Variants in ZNF185 observed in about 807,000 individuals in gnomAD.
The protein encoded by ZNF185 is zinc finger protein 185.
ZNF185 carries 56 observed loss-of-function variants against 58.6 expected under a neutral mutation model. The observed-to-expected ratio is 0.95, with a 90% CI of 0.77 to 1.19. ZNF185 has a LOEUF of 1.19. Among genes scored for constraint, ZNF185 ranks in the 50% most tolerant of loss-of-function variants. The pLI is 0.00. For missense variants in ZNF185, 627 were observed against 573.5 expected, an observed-to-expected ratio of 1.09 and a Z score of -0.95; for synonymous variants, 230 against 215.9, an observed-to-expected ratio of 1.07 and a Z score of -0.57.
intron 7 of ZNF185, among the ~76,000 whole-genome samples, chrX:152,919,371 G>A (rs991930205): frequency 9.0e-6 from 1 of 110,887 alleles, no homozygotes; most frequent in Admixed American, 9.5e-5. Context: ...GCTCTAAATC[G>A]GTTTGTTAGA....
intron 16 of ZNF185, among the ~76,000 whole-genome samples, chrX:152,954,157 T>G (rs1304887049): frequency 9.0e-6 from 1 of 110,572 alleles, no homozygotes; most frequent in African/African-American, 3.3e-5. Flanking sequence ...AAAGCCTTTT[T>G]TTTTCAGTAG....
intron 17 of ZNF185, among the ~76,000 whole-genome samples, chrX:152,961,144 T>C (rs181364711): frequency 5.3e-5 from 6 of 112,363 alleles, no homozygotes; most frequent in African/African-American, 1.6e-4. Context: ...TTCCAGGTCA[T>C]TCCCTTGACC....
chrX:152,941,162 A>G (rs2047135335), intron 15 of ZNF185, among the ~76,000 whole-genome samples: 1 of 111,790 alleles, frequency 8.9e-6, no homozygotes, highest in Non-Finnish European at 1.9e-5. Flanking sequence ...TGTCTTTTTC[A>G]AAGCTCCCCA....
chrX:152,939,394 G>C (rs1556886546), intron 15 of ZNF185, among the ~76,000 whole-genome samples: 1 of 112,147 alleles, frequency 8.9e-6, no homozygotes, highest in African/African-American at 3.2e-5. Flanking sequence ...GTGGGAAACT[G>C]AAGCATAGAA....
At chrX:152,930,269 TGAC>T (rs1941701366) in intron 12 of ZNF185, among the ~76,000 whole-genome samples, 1 of 112,229 alleles carries the variant, frequency 8.9e-6, no homozygotes, top group Non-Finnish European at 1.9e-5. Flanking sequence ...TGAACTCATT[TGAC>T]GAGTTTATTC....
chrX:152,905,367 G>A, the ZNF185 span, among the ~76,000 whole-genome samples: 1 of 112,036 alleles, frequency 8.9e-6, no homozygotes, highest in East Asian at 2.8e-4. Context: ...TAGCAAGCCA[G>A]CTCTGACTAT....
intron 7 of ZNF185, among the ~76,000 whole-genome samples, chrX:152,919,288 A>C (rs1939203341): frequency 9.0e-6 from 1 of 110,776 alleles, no homozygotes; most frequent in South Asian, 3.9e-4. Flanking sequence ...GGGGCCCTTG[A>C]GAACCTTCTG....
At chrX:152,942,709 C>A (rs2047360453) in intron 15 of ZNF185, among the ~76,000 whole-genome samples, 1 of 111,743 alleles carries the variant, frequency 8.9e-6, no homozygotes, top group African/African-American at 3.3e-5. Flanking sequence ...CAAGCATGGG[C>A]TTCTCGTTTA....
At chrX:152,910,113 G>A (rs188601072), upstream of ZNF185, among the ~76,000 whole-genome samples, 21 of 110,185 alleles carry the variant, frequency 1.9e-4, no homozygotes, top group East Asian at 5.1e-3. Flanking sequence ...TCCCCATGTC[G>A]GCTAGGCTGG....
intron 18 of ZNF185, 107 bp from the exon 21 acceptor site, chrX:152,965,340 T>C (rs2049995685): frequency 2.9e-6 from 2 of 700,444 alleles, no homozygotes; most frequent in Admixed American, 6.4e-5. Context: ...TTTCACTTCC[T>C]TCAAACCAGG....
Position 152,917,126 on chromosome X carries a change from G to A in ZNF185, c.225-5G>A, listed in dbSNP as rs1237755799. On this transcript the variant is annotated splice_region_variant and splice_polypyrimidine_tract_variant and intron_variant, in intron 3 of 22. Coordinates refer to ENST00000449285, the Ensembl canonical transcript of ZNF185. ...CTTCACTCCACCCCTTCTTCTCTTC[G>A]GCAGGCCTCCGAGCACAAGGGCTCC... 3 of 1,211,384 alleles carry A rather than the reference G, an allele frequency of 2.5e-6. No homozygotes were observed. Among genetic ancestry groups the A allele is most frequent in the Non-Finnish European group, 3.4e-6 (3 of 895,431 alleles).
chrX:152,958,038 A>T (rs1049963917), intron 16 of ZNF185, among the ~76,000 whole-genome samples: 23 of 111,940 alleles, frequency 2.1e-4, no homozygotes, highest in African/African-American at 7.5e-4. Flanking sequence ...GCCACAACAC[A>T]AAAGAATTTT....
At chrX:152,915,141 G>A (rs782660069) in exon 3 of ZNF185, 69 of 1,208,744 alleles carry the variant, frequency 5.7e-5, no homozygotes, top group Non-Finnish European at 7.4e-5. Flanking sequence ...CCCCCAGAGA[G>A]CTGCCCTCAG....
upstream of ZNF185, among the ~76,000 whole-genome samples, chrX:152,912,019 C>T: frequency 1.0e-5 from 1 of 98,776 alleles, no homozygotes; most frequent in Admixed American, 1.1e-4. Flanking sequence ...CCCACCCATC[C>T]CATCCCACCC....
Position 152,945,474 on chromosome X carries a change from G to C in ZNF185, c.1409+10G>C. On this transcript the variant is annotated intron_variant, in intron 16 of 22. Transcript: ENST00000449285. ...AGAGTTGTGGCAGCAGGTAAGGGCT[G>C]AGCTGCAGTGGGCTCTGCCTCTGGA... 12 of 1,188,228 alleles carry C rather than the reference G, an allele frequency of 1.0e-5. No homozygotes were observed. The highest frequency in any genetic ancestry group is 1.4e-5 in the Non-Finnish European group (12 of 882,920).
At chrX:152,947,759 G>A (rs1322521212) in intron 16 of ZNF185, among the ~76,000 whole-genome samples, 2 of 112,241 alleles carry the variant, frequency 1.8e-5, no homozygotes, top group Admixed American at 9.4e-5. Context: ...ATGTATTCTC[G>A]GCTTTTCTCT....
chrX:152,949,629 C>A (rs2048109366), intron 16 of ZNF185, among the ~76,000 whole-genome samples: 1 of 111,275 alleles, frequency 9.0e-6, no homozygotes, highest in African/African-American at 3.3e-5. Flanking sequence ...CTAGTCTGGG[C>A]ACACGCCAGG....
intron 11 of ZNF185, among the ~76,000 whole-genome samples, chrX:152,923,051 G>A (rs1251870290): frequency 1.8e-5 from 2 of 112,516 alleles, no homozygotes; most frequent in African/African-American, 3.2e-5. Context: ...TGTACTTTGT[G>A]CAGAATGGTG....
At chrX:152,955,569 G>A in intron 16 of ZNF185, among the ~76,000 whole-genome samples, 1 of 112,595 alleles carries the variant, frequency 8.9e-6, no homozygotes, top group Non-Finnish European at 1.9e-5. Context: ...CCTAGTGCAT[G>A]AGCTCAGTAC....
Sources: gnomAD v4.1 joint callset for allele counts (sites outside exome capture counted in the v4.1 genomes callset) on GRCh38, gnomAD v4.1.1 for gene constraint, MANE v1.5 for transcripts, NCBI Gene and HGNC (gene_info 2026-07-23, HGNC 2026-07-21) for gene names.